The following ADGRG6 variants were observed in gnomAD, a reference collection of about 807,000 sequenced individuals.
ADGRG6 encodes G-protein coupled receptor 126.
A neutral mutation model predicts 142.4 loss-of-function variants in ADGRG6; 84 were observed. The ratio of observed to expected loss-of-function variants is 0.59; its 90% confidence interval spans 0.49 to 0.71. The LOEUF is 0.71. Among genes scored for constraint, ADGRG6 ranks in the 30% least tolerant of loss-of-function variants. The probability of loss-of-function intolerance (pLI) is 0.00; values close to 1 mark genes in which losing one functional copy is unlikely to be tolerated. For missense variants in ADGRG6, 1,367 were observed against 1,466.6 expected (o/e 0.93, Z 1.11); for synonymous variants, 521 against 520.5 (o/e 1.00, Z -0.01).
In ADGRG6 at chr6:142,402,943, A is replaced by T. The variant is rs542596573; in HGVS notation, c.1955+113A>T. ...ATTTCAGAATTCAAATCTCTGCAAG[A>T]TGTATTGATAGTCGTTAATAGTGAA... On this transcript the variant is annotated intron_variant, in intron 13 of 24. Coordinates refer to ENST00000367609, the MANE Select transcript of ADGRG6 (RefSeq NM_198569.3). The T allele has an allele frequency of 1.4e-3, 830 of 580,322 alleles. 1 individual carries two copies. The highest frequency in any genetic ancestry group is 7.5e-3 in the Middle Eastern group (16 of 2,126). The allele number at this position is 580,322 out of a possible 1,614,324, so 35.9% of individuals were successfully genotyped here. A position where few individuals can be genotyped will look rare whatever the true frequency, so the allele number is the denominator to read the frequency against.
At chr6:142,357,473 C>T (rs1312920790) in intron 2 of ADGRG6, among the ~76,000 whole-genome samples, 1 of 152,152 alleles carries the variant, frequency 6.6e-6, no homozygotes, top group African/African-American at 2.4e-5. Context: ...GCTCTTATTA[C>T]TAAGATGTTT....
intron 7 of ADGRG6, 137 bp downstream of exon 7, chr6:142,390,480 AG>A: frequency 2.1e-6 from 1 of 481,852 alleles, no homozygotes; most frequent in Non-Finnish European, 3.9e-6. Context: ...TAGATATGTA[AG>A]TGAGGTGTTG....
In ADGRG6 at chr6:142,422,332, A is replaced by G. The variant is rs1776699880; in HGVS notation, c.3319+2228A>G. On this transcript the variant is annotated intron_variant, in intron 22 of 24. Coordinates refer to ENST00000367609, the MANE Select transcript of ADGRG6 (RefSeq NM_198569.3). ...CTCCCTGCTCCCCCCACCCCACCAC[A>G]GTCCCCAGAGTGTGATATTCCCCTT... Among the ~76,000 whole-genome samples, 3 of 151,806 alleles carry G rather than the reference A, an allele frequency of 2.0e-5. No homozygotes were observed. In the South Asian group the frequency reaches 6.3e-4, roughly 32 times the overall value.
chr6:142,360,783 G>T (rs1262102860), intron 2 of ADGRG6, among the ~76,000 whole-genome samples: 1 of 152,018 alleles, frequency 6.6e-6, no homozygotes, highest in African/African-American at 2.4e-5. Context: ...TCAGCCTCCT[G>T]AGTAGCTGGG....
chr6:142,312,852 T>C (rs1777836306), intron 2 of ADGRG6, among the ~76,000 whole-genome samples: 1 of 152,166 alleles, frequency 6.6e-6, no homozygotes, highest in Non-Finnish European at 1.5e-5. Flanking sequence ...TGTGGAATAC[T>C]GTGCAGTGCC....
intron 11 of ADGRG6, 132 bp downstream of exon 11, chr6:142,400,728 A>G (rs1331397756): frequency 1.4e-5 from 9 of 621,336 alleles, no homozygotes; most frequent in African/African-American, 3.6e-5. Context: ...GTATGCCTGT[A>G]TCATTCACTC....
intron 2 of ADGRG6, among the ~76,000 whole-genome samples, chr6:142,334,785 T>A (rs1434699356): frequency 6.6e-6 from 1 of 152,228 alleles, no homozygotes; most frequent in Non-Finnish European, 1.5e-5. Context: ...TTACTGTGTT[T>A]CATAAGTATC....
intron 2 of ADGRG6, among the ~76,000 whole-genome samples, chr6:142,347,147 T>A (rs991466048): frequency 8.5e-5 from 13 of 152,204 alleles, no homozygotes; most frequent in Non-Finnish European, 4.4e-5. Flanking sequence ...AGACAGGCAC[T>A]ATAATAGGCT....
At chr6:142,304,366 CT>C (rs2114478017) in intron 1 of ADGRG6, among the ~76,000 whole-genome samples, 1 of 152,232 alleles carries the variant, frequency 6.6e-6, no homozygotes, top group East Asian at 1.9e-4. Flanking sequence ...TTTTCATACC[CT>C]AAGAAATTTA....
Position 142,411,345 on chromosome 6 carries a change from C to G in ADGRG6, c.2475C>G (p.His825Gln), listed in dbSNP as rs1776072878. 2 of 1,609,464 alleles carry G rather than the reference C, an allele frequency of 1.2e-6. No individual in the cohort carries two copies. Among genetic ancestry groups the G allele is most frequent in the Non-Finnish European group, 1.7e-6 (2 of 1,176,070 alleles). Residue 825 changes from histidine to glutamine, a missense_variant, in exon 18 of 25, where the codon CAC (histidine) becomes CAG (glutamine). Around this residue, in one of 3 missense-constraint regions of ADGRG6, gnomAD observed 286 missense variants for 371.4 expected, o/e 0.77. Coordinates refer to ENST00000367609, the MANE Select transcript of ADGRG6 (RefSeq NM_198569.3). Reference sequence around the variant, plus strand: ...GGAACACGTCAGGATGTGTTGCACACAGAGATTCAGATGCAAGTGAGACAG... The same window carrying G: ...GGAACACGTCAGGATGTGTTGCACAGAGAGATTCAGATGCAAGTGAGACAG... The part of the protein sequence containing the change: ...GGWNTSGCVA[H>Q]RDSDASETVC...
chr6:142,332,910 A>T (rs1779129487), intron 2 of ADGRG6, among the ~76,000 whole-genome samples: 1 of 152,140 alleles, frequency 6.6e-6, no homozygotes, highest in African/African-American at 2.4e-5. Context: ...AAGCACATGG[A>T]AGTGCTAGTG....
intron 2 of ADGRG6, among the ~76,000 whole-genome samples, chr6:142,363,210 T>C (rs1317380298): frequency 6.6e-6 from 1 of 152,156 alleles, no homozygotes; most frequent in African/African-American, 2.4e-5. Flanking sequence ...CTAAAATTGA[T>C]CTCCATTTTG....
At position 142,401,974 on chromosome 6, in the gene ADGRG6, A is replaced by G. The variant is rs1485977597; in HGVS notation, c.1680-20A>G. 3 of 1,209,284 alleles carry G rather than the reference A, an allele frequency of 2.5e-6. No homozygotes were observed. Among genetic ancestry groups the G allele is most frequent in the Non-Finnish European group, 3.6e-6 (3 of 837,872 alleles). The allele number at this position is 1,209,284 out of a possible 1,614,324, so 74.9% of individuals were successfully genotyped here. A position where few individuals can be genotyped will look rare whatever the true frequency, so the allele number is the denominator to read the frequency against. ...ATACCAGTTATATCAAATATTTAAA[A>G]TATCTATTTTGTTTCATAGTTTTTA... On this transcript the variant is annotated intron_variant, in intron 11 of 24. Transcript: ENST00000367609.
chr6:142,351,581 A>G lies in ADGRG6; in HGVS notation c.104-15988A>G, dbSNP rs1356970256. ...AGATAGATCAAAGATTAAATATAAA[A>G]CCCAAAATTATAAAAACCCTGGAAG... On this transcript the variant is annotated intron_variant, in intron 2 of 24. Coordinates refer to ENST00000367609, the MANE Select transcript of ADGRG6 (RefSeq NM_198569.3). Among the ~76,000 whole-genome samples, 3 of 152,170 alleles carry G rather than the reference A, an allele frequency of 2.0e-5. No homozygotes were observed. The East Asian group carries it at 5.8e-4, about 29-fold the overall frequency.
chr6:142,356,501 T>A (rs1416077558), intron 2 of ADGRG6, among the ~76,000 whole-genome samples: 1 of 151,670 alleles, frequency 6.6e-6, no homozygotes, highest in Non-Finnish European at 1.5e-5. Flanking sequence ...CAAAGTCTCA[T>A]GAACACTCAA....
chr6:142,416,640 C>T (rs1455632511), intron 20 of ADGRG6, among the ~76,000 whole-genome samples: 1 of 152,166 alleles, frequency 6.6e-6, no homozygotes, highest in African/African-American at 2.4e-5. Flanking sequence ...CATTTTAGAG[C>T]TTTCTCACAG....
At chr6:142,306,602 T>C (rs2114494075) in intron 1 of ADGRG6, among the ~76,000 whole-genome samples, 1 of 152,268 alleles carries the variant, frequency 6.6e-6, no homozygotes, top group African/African-American at 2.4e-5. Flanking sequence ...AGTCTATGAC[T>C]GTCTTTTACT....
chr6:142,411,451 A>G (rs747289166), intron 18 of ADGRG6, 40 bp downstream of exon 18: 28 of 971,962 alleles, frequency 2.9e-5, no homozygotes, highest in Middle Eastern at 2.1e-4. Context: ...ACATGCTGTA[A>G]CTTTGGATGG....
intron 4 of ADGRG6, among the ~76,000 whole-genome samples, chr6:142,371,474 GTT>G (rs566018922): frequency 1.2e-4 from 13 of 108,198 alleles, no homozygotes; most frequent in Non-Finnish European, 2.0e-4. Context: ...GCCAGTTACT[GTT>G]TTTTTTTGTT....
Sources: gnomAD v4.1 joint callset for allele counts (sites outside exome capture counted in the v4.1 genomes callset) on GRCh38, gnomAD v4.1.1 for gene constraint, gnomAD v4.1.1 regional missense constraint, MANE v1.5 for transcripts, NCBI Gene and HGNC (gene_info 2026-07-23, HGNC 2026-07-21) for gene names.